The following ELFN1 variants were observed in gnomAD, a reference collection of about 807,000 sequenced individuals.
ELFN1 encodes the protein protein ELFN1.
In ELFN1, 6 loss-of-function variants were observed where a neutral mutation model predicts 7.6. That is an observed-to-expected ratio of 0.79 (90% CI 0.43 to 1.56). ELFN1 has a LOEUF of 1.56. Among genes scored for constraint, ELFN1 ranks in the 40% most tolerant of loss-of-function variants. ELFN1 has a pLI of 0.01. For missense variants in ELFN1, 1,169 were observed against 1,232.2 expected, an observed-to-expected ratio of 0.95 and a Z score of 0.77; for synonymous variants, 657 against 588.1, an observed-to-expected ratio of 1.12 and a Z score of -1.70.
At chr7:1,677,170 G>A (rs1367282160) in intron 1 of ELFN1, among the ~76,000 whole-genome samples, 2 of 152,244 alleles carry the variant, frequency 1.3e-5, no homozygotes, top group African/African-American at 4.8e-5. Context: ...GAGGGAGGCC[G>A]TCCTGTGGAG....
At chr7:1,678,803 C>T (rs1778920373) in intron 1 of ELFN1, among the ~76,000 whole-genome samples, 1 of 152,244 alleles carries the variant, frequency 6.6e-6, no homozygotes, top group South Asian at 2.1e-4. Flanking sequence ...GTCTTGGTGA[C>T]TACCCGGCTT....
chr7:1,745,314 C>G lies in ELFN1; in HGVS notation c.718C>G (p.Arg240Gly). Residue 240 changes from arginine to glycine, a missense_variant, in exon 4 of 4, where the codon CGC (arginine) becomes GGC (glycine). Arg to Gly is a moderately radical substitution (Grantham distance 125). This residue lies in a region of ELFN1 where 255 missense variants were observed against 359.6 expected (regional missense o/e 0.71). Transcript: ENST00000424383. ...YLLGQGRRGH[R>G]SILSKLQSVC... is the part of the protein sequence containing the mutation. Reference sequence around the variant, plus strand: ...CCTGGGCCAGGGCCGCCGCGGCCACCGCAGCATCCTCAGCAAACTGCAGTC... The same window carrying G: ...CCTGGGCCAGGGCCGCCGCGGCCACGGCAGCATCCTCAGCAAACTGCAGTC... 5 of 1,539,138 alleles carry G rather than the reference C, an allele frequency of 3.2e-6. No homozygotes were observed. Among genetic ancestry groups the G allele is most frequent in the Non-Finnish European group, 4.4e-6 (5 of 1,146,772 alleles).
intron 2 of ELFN1, among the ~76,000 whole-genome samples, chr7:1,703,027 T>C (rs946722072): frequency 1.3e-5 from 2 of 152,256 alleles, no homozygotes; most frequent in African/African-American, 4.8e-5. Flanking sequence ...GTGCCAGCAC[T>C]GCAATGCACT....
At chr7:1,715,501 G>A (rs1367479520) in intron 3 of ELFN1, among the ~76,000 whole-genome samples, 1 of 152,156 alleles carries the variant, frequency 6.6e-6, no homozygotes, top group Non-Finnish European at 1.5e-5. Context: ...TGGATGAGAA[G>A]GGAGCTATTC....
Position 1,745,867 on chromosome 7 carries a change from GC to G in ELFN1, c.1272del (p.Cys425AlafsTer70), listed in dbSNP as rs947640236. 1 of 1,592,176 alleles carries G rather than the reference GC, an allele frequency of 6.3e-7. No homozygotes were observed. Among genetic ancestry groups the G allele is most frequent in the African/African-American group, 1.3e-5 (1 of 74,364 alleles). ...ACCCACTACATCATGACCATCCTGG[GC>G]TGCCTCTTCGGCATGGTGCTGGTGC... ...TATHYIMTIL[G>X]CLFGMVLVLG... On this transcript the variant is annotated frameshift_variant, in exon 4 of 4. Coordinates refer to ENST00000424383, the MANE Select transcript of ELFN1 (RefSeq NM_001128636.4). LOFTEE classifies it low-confidence loss of function (END_TRUNC).
intron 1 of ELFN1, among the ~76,000 whole-genome samples, chr7:1,681,837 C>T (rs1029804115): frequency 2.0e-5 from 3 of 152,166 alleles, no homozygotes; most frequent in African/African-American, 7.2e-5. Flanking sequence ...TTGCATTTTC[C>T]GAATGACCGA....
Position 1,673,264 on chromosome 7 carries a change from G to A in ELFN1, c.-549+2910G>A, listed in dbSNP as rs1466381652. ...TGTACAGATGGGGAGACTGAGGCCCGGATTGGGGTGGGGCCGGAGAGGGTG... is the reference window on the plus strand; with the variant it reads ...TGTACAGATGGGGAGACTGAGGCCCAGATTGGGGTGGGGCCGGAGAGGGTG... On this transcript the variant is annotated intron_variant, in intron 1 of 3. Coordinates refer to ENST00000424383, the MANE Select transcript of ELFN1 (RefSeq NM_001128636.4). This position sits in a 1 kb window ranked among gnomAD's most constrained non-coding sequence, Gnocchi z 4.7. Among the ~76,000 whole-genome samples the A allele has an allele frequency of 2.0e-5, 3 of 152,182 alleles. No homozygotes were observed. The highest frequency in any genetic ancestry group is 6.5e-5 in the Admixed American group (1 of 15,286).
chr7:1,672,674 A>G (rs1778789598), intron 1 of ELFN1, among the ~76,000 whole-genome samples: 2 of 152,164 alleles, frequency 1.3e-5, no homozygotes, highest in Admixed American at 6.5e-5. Context: ...CTAAGCACTC[A>G]GGAAAGCCTC....
chr7:1,742,396 C>G (rs10281826), intron 3 of ELFN1: 31,150 of 152,398 alleles, frequency 0.2, 3,228 homozygotes, highest in Non-Finnish European at 0.23. Context: ...CTGCCTGAGA[C>G]CTGGGCCCCC....
At chr7:1,741,256 G>A (rs1424865324) in intron 3 of ELFN1, among the ~76,000 whole-genome samples, 1 of 152,148 alleles carries the variant, frequency 6.6e-6, no homozygotes, top group African/African-American at 2.4e-5. Flanking sequence ...GCAGGGCGCT[G>A]GCCACACTGG....
Position 1,744,404 on chromosome 7 carries a change from G to A in ELFN1, c.-193G>A, listed in dbSNP as rs1366041612. The A allele has an allele frequency of 8.3e-6, 5 of 600,012 alleles. No homozygotes were observed. The highest frequency in any genetic ancestry group is 2.3e-5 in the South Asian group (1 of 43,100). The allele number at this position is 600,012 out of a possible 1,614,324, so 37.2% of individuals were successfully genotyped here. On this transcript the variant is annotated 5_prime_UTR_variant, in exon 4 of 4. Coordinates refer to ENST00000424383, the MANE Select transcript of ELFN1 (RefSeq NM_001128636.4). ...CACAGGACTGGGGCGGAAGACGAGA[G>A]GCGGCCGGCCGTGAGGGAGGCGCCC... is the stretch of plus-strand genomic sequence containing the variant.
In ELFN1 at chr7:1,670,334, GA is replaced by G. The variant is rs1309346843; in HGVS notation, c.-567del. Among the ~76,000 whole-genome samples, 1 of 151,750 alleles carries G rather than the reference GA, an allele frequency of 6.6e-6. No homozygotes were observed. Among genetic ancestry groups the G allele is most frequent in the African/African-American group, 2.4e-5 (1 of 41,352 alleles). The stretch of plus-strand genomic sequence containing the variant: ...GGCGGCGGCTGCGGGCGCAGCCCCG[GA>G]ACCGAGGCCGGGCGGGCAGGTAAGC... On this transcript the variant is annotated 5_prime_UTR_variant, in exon 1 of 4. Coordinates refer to ENST00000424383, the MANE Select transcript of ELFN1 (RefSeq NM_001128636.4). This position sits in a 1 kb window ranked among gnomAD's most constrained non-coding sequence, Gnocchi z 6.4.
Position 1,747,189 on chromosome 7 carries a change from GCGGGGGGCC to G in ELFN1, c.*108_*116del. The G allele has an allele frequency of 3.1e-6, 4 of 1,292,582 alleles. No homozygotes were observed. The highest frequency in any genetic ancestry group is 4.1e-6 in the Non-Finnish European group (4 of 976,816). 80.1% of individuals were successfully genotyped at this position (1,292,582 alleles called of 1,614,324 possible). On this transcript the variant is annotated 3_prime_UTR_variant, in exon 4 of 4. Transcript: ENST00000424383. ...GCACGCCACCACAGCAACTGTGACA[GCGGGGGGCC>G]CTGCAGAGGCGAGGGGGGAGCGAGT...
At chr7:1,733,406 C>T (rs1410608859) in intron 3 of ELFN1, among the ~76,000 whole-genome samples, 2 of 152,122 alleles carry the variant, frequency 1.3e-5, no homozygotes, top group Non-Finnish European at 2.9e-5. Context: ...CAGCAAATCC[C>T]TTCCCTGTCC....
At chr7:1,678,882 G>A (rs1297598225) in intron 1 of ELFN1, among the ~76,000 whole-genome samples, 10 of 152,224 alleles carry the variant, frequency 6.6e-5, no homozygotes, top group Admixed American at 3.9e-4. Flanking sequence ...GCGTGGACAC[G>A]CTGTGAACTG....
At chr7:1,715,099 G>A (rs1277613035) in intron 3 of ELFN1, among the ~76,000 whole-genome samples, 2 of 152,206 alleles carry the variant, frequency 1.3e-5, no homozygotes, top group African/African-American at 4.8e-5. Context: ...GAAGGTAGCA[G>A]CCAACAGCCT....
At chr7:1,700,499 G>A (rs1463377762) in intron 2 of ELFN1, among the ~76,000 whole-genome samples, 1 of 152,156 alleles carries the variant, frequency 6.6e-6, no homozygotes, top group Non-Finnish European at 1.5e-5. Context: ...AACACTCTCC[G>A]GGGGAGACAT....
Position 1,744,606 on chromosome 7 carries a change from C to G in ELFN1, c.10C>G (p.Arg4Gly). 6.5e-7 allele frequency: 1 copy of G among 1,528,192 alleles called. No individual in the cohort carries two copies. Among genetic ancestry groups the G allele is most frequent in the South Asian group, 1.2e-5 (1 of 80,260 alleles). 94.7% of individuals were successfully genotyped at this position (1,528,192 alleles called of 1,614,324 possible). Residue 4 changes from arginine (R) to glycine (G), a missense_variant, in exon 4 of 4, where the codon CGT (arginine) becomes GGT (glycine). By Grantham distance (125) the Arg-to-Gly change is moderately radical. Around this residue, in one of 2 missense-constraint regions of ELFN1, gnomAD observed 255 missense variants for 359.6 expected, o/e 0.71. Transcript: ENST00000424383. ...CTGCAGGGCGGTCCCGATGGCCGGG[C>G]GTGGGTGGGGCGCGCTGTGGGTGTG... MAG[R>G]GWGALWVCVA...
Position 1,746,499 on chromosome 7 carries a change from C to A in ELFN1, c.1903C>A (p.Pro635Thr). Residue 635 changes from proline (P) to threonine (T), a missense_variant, in exon 4 of 4, where the codon CCC (proline) becomes ACC (threonine). Physicochemically the swap from Pro to Thr is conservative, Grantham distance 38. Around this residue, in one of 2 missense-constraint regions of ELFN1, gnomAD observed 914 missense variants for 872.6 expected, o/e 1.05. Coordinates refer to ENST00000424383, the MANE Select transcript of ELFN1 (RefSeq NM_001128636.4). ...QRHHSVEAAG[P>T]PRASTSSSGS... ...GCACCACAGCGTGGAGGCCGCCGGG[C>A]CCCCTCGTGCCAGCACCTCGTCCAG... 1 of 1,490,024 alleles carries A rather than the reference C, an allele frequency of 6.7e-7. No homozygotes were observed. Among genetic ancestry groups the A allele is most frequent in the South Asian group, 1.3e-5 (1 of 77,692 alleles). The allele number at this position is 1,490,024 out of a possible 1,614,324, so 92.3% of individuals were successfully genotyped here. A position where few individuals can be genotyped will look rare whatever the true frequency, so the allele number is the denominator to read the frequency against.
Sources: allele counts gnomAD v4.1 joint callset (sites outside exome capture counted in the v4.1 genomes callset), GRCh38; gene constraint gnomAD v4.1.1; regional missense constraint gnomAD v4.1.1; non-coding constraint Gnocchi (gnomAD v3.1); transcripts MANE v1.5; gene names NCBI Gene and HGNC (gene_info 2026-07-23, HGNC 2026-07-21).